NRXN3: variants seen among roughly 807,000 people sequenced by gnomAD.
NRXN3 encodes the protein neurexin III.
Under a neutral mutation model 137.6 loss-of-function variants are expected in NRXN3, and 32 were observed. That is an observed-to-expected ratio of 0.23 (90% CI 0.18 to 0.31). The LOEUF is 0.31. NRXN3 is among the 10% of genes least tolerant of loss of function. NRXN3 has a pLI of 1.00. For synonymous variants in NRXN3, 798 were observed against 784.5 expected, an observed-to-expected ratio of 1.02 and a Z score of -0.29; for missense variants, 1,574 against 2,062.5, an observed-to-expected ratio of 0.76 and a Z score of 4.59.
chr14:79,808,249 A>ATAT (rs1555750529), intron 20 of NRXN3, among the ~76,000 whole-genome samples: 21 of 134,222 alleles, frequency 1.6e-4, no homozygotes, highest in African/African-American at 6.5e-4. Context: ...TTAAAAAAAA[A>ATAT]AAAAAAATAT....
At chr14:78,850,596 T>G (rs2099039871) in intron 10 of NRXN3, among the ~76,000 whole-genome samples, 1 of 152,166 alleles carries the variant, frequency 6.6e-6, no homozygotes, top group African/African-American at 2.4e-5. Context: ...CTGTTTTAAT[T>G]AAAATGTTGT....
chr14:79,142,760 G>A (rs945027769), intron 15 of NRXN3, among the ~76,000 whole-genome samples: 2 of 152,158 alleles, frequency 1.3e-5, no homozygotes, highest in Non-Finnish European at 2.9e-5. Flanking sequence ...AATTTCAGGA[G>A]AGAAATGATG....
intron 10 of NRXN3, among the ~76,000 whole-genome samples, chr14:78,956,783 T>C (rs1319641430): frequency 6.6e-6 from 1 of 152,216 alleles, no homozygotes; most frequent in Non-Finnish European, 1.5e-5. Flanking sequence ...TGCAAAGTTC[T>C]TTTCTCGTCC....
chr14:78,720,077 A>G (rs186757036), intron 8 of NRXN3, among the ~76,000 whole-genome samples: 4 of 152,174 alleles, frequency 2.6e-5, no homozygotes, highest in Admixed American at 2.0e-4. Context: ...ATATACATAT[A>G]CTAGATGGTT....
chr14:78,620,825 C>T (rs957131313), intron 4 of NRXN3, among the ~76,000 whole-genome samples: 25 of 151,916 alleles, frequency 1.6e-4, no homozygotes, highest in Non-Finnish European at 1.2e-4. Flanking sequence ...GTGAGGAAAC[C>T]GAGACATAGA....
intron 4 of NRXN3, among the ~76,000 whole-genome samples, chr14:78,530,424 A>C (rs2096444383): frequency 6.6e-6 from 1 of 152,146 alleles, no homozygotes; most frequent in South Asian, 2.1e-4. Flanking sequence ...GAAAAATTGC[A>C]TTTTCAGTTG....
chr14:79,771,385 T>C (rs1269480048), intron 19 of NRXN3, among the ~76,000 whole-genome samples: 1 of 152,176 alleles, frequency 6.6e-6, no homozygotes, highest in African/African-American at 2.4e-5. Flanking sequence ...AGTAAAATAC[T>C]GGCAAACCGA....
intron 15 of NRXN3, among the ~76,000 whole-genome samples, chr14:79,118,035 T>C (rs1446103451): frequency 6.6e-6 from 1 of 151,932 alleles, no homozygotes; most frequent in Admixed American, 6.6e-5. Flanking sequence ...ATTTCAAAGA[T>C]ACAGGGTGCA....
At chr14:78,869,931 C>G (rs1287128322) in intron 10 of NRXN3, among the ~76,000 whole-genome samples, 7 of 152,084 alleles carry the variant, frequency 4.6e-5, no homozygotes, top group Admixed American at 4.6e-4. Flanking sequence ...GAATTTTTAA[C>G]CAAGGAACAG....
chr14:79,776,348 C>A (rs1722788349), intron 19 of NRXN3, among the ~76,000 whole-genome samples: 2 of 152,060 alleles, frequency 1.3e-5, no homozygotes, highest in African/African-American at 4.8e-5. Context: ...AAATATTGAC[C>A]AAATTGAGGC....
intron 15 of NRXN3, among the ~76,000 whole-genome samples, chr14:79,407,642 G>A (rs2095340396): frequency 6.6e-6 from 1 of 152,136 alleles, no homozygotes; most frequent in Non-Finnish European, 1.5e-5. Flanking sequence ...TTAGCTGTAT[G>A]TGCCTTGGGA....
rs143694361 is a variant in NRXN3, at chr14:78,673,803, A to G, written c.1221+22477A>G. Among the ~76,000 whole-genome samples the G allele has an allele frequency of 9.1e-3, 1,379 of 152,280 alleles. 10 individuals carry two copies. The highest frequency in any genetic ancestry group is 0.015 in the Non-Finnish European group (1,006 of 68,010). On this transcript the variant is annotated intron_variant, in intron 6 of 20. Transcript: ENST00000335750. ...AAAGGTCCCACCTCCAAATACCATCATGTTGGAGATCAGGGCTTCCGTATA... is the reference window on the plus strand; with the variant it reads ...AAAGGTCCCACCTCCAAATACCATCGTGTTGGAGATCAGGGCTTCCGTATA...
chr14:78,845,495 TTCTC>T (rs1353972921), intron 10 of NRXN3, among the ~76,000 whole-genome samples: 1 of 152,064 alleles, frequency 6.6e-6, no homozygotes, highest in South Asian at 2.1e-4. Context: ...TCTTGTTTAA[TTCTC>T]TCTTTTTTCT....
intron 15 of NRXN3, among the ~76,000 whole-genome samples, chr14:79,295,347 A>T (rs893198910): frequency 2.6e-5 from 4 of 152,122 alleles, no homozygotes; most frequent in African/African-American, 9.7e-5. Context: ...TTAATGACCC[A>T]GTCTAAAAAG....
intron 16 of NRXN3, among the ~76,000 whole-genome samples, chr14:79,477,608 A>C (rs1438100214): frequency 6.6e-6 from 1 of 152,122 alleles, no homozygotes; most frequent in Non-Finnish European, 1.5e-5. Context: ...TCTGAAAGCA[A>C]AAGGAAGACA....
chr14:78,631,815 C>G (rs1157530580), intron 4 of NRXN3, among the ~76,000 whole-genome samples: 1 of 152,002 alleles, frequency 6.6e-6, no homozygotes, highest in African/African-American at 2.4e-5. Flanking sequence ...GCATTAGACT[C>G]AATGTATCAG....
intron 6 of NRXN3, among the ~76,000 whole-genome samples, chr14:78,679,996 T>C (rs10147949): frequency 6.6e-6 from 1 of 152,068 alleles, no homozygotes; most frequent in Non-Finnish European, 1.5e-5. Flanking sequence ...GTAACACTAA[T>C]AATGACTAAT....
chr14:78,295,137 G>A (rs1005361994), intron 3 of NRXN3, among the ~76,000 whole-genome samples: 1 of 152,174 alleles, frequency 6.6e-6, no homozygotes, highest in African/African-American at 2.4e-5. Context: ...GCAAGAAAAT[G>A]TACTGATGTA....
At chr14:79,150,962 TG>T (rs2059746963) in intron 15 of NRXN3, among the ~76,000 whole-genome samples, 2 of 152,042 alleles carry the variant, frequency 1.3e-5, no homozygotes, top group Admixed American at 6.6e-5. Context: ...CAAAATTAAA[TG>T]GAACTAGTTT....
Sources: allele counts gnomAD v4.1 joint callset (sites outside exome capture counted in the v4.1 genomes callset), GRCh38; gene constraint gnomAD v4.1.1; transcripts MANE v1.5; gene names NCBI Gene and HGNC (gene_info 2026-07-23, HGNC 2026-07-21).